Variants in ABCA5 observed in about 807,000 individuals in gnomAD.
The protein encoded by ABCA5 is cholesterol transporter ABCA5.
A neutral mutation model predicts 206.0 loss-of-function variants in ABCA5; 163 were observed. The observed-to-expected ratio is 0.79, with a 90% CI of 0.70 to 0.90. The LOEUF (loss-of-function observed/expected upper bound fraction) is 0.90. Ranked by LOEUF, ABCA5 falls within the 40% of genes least tolerant of loss-of-function variation. The probability of loss-of-function intolerance (pLI) is 0.00; values close to 1 mark genes in which losing one functional copy is unlikely to be tolerated. For missense variants in ABCA5, 1,859 were observed against 1,912.9 expected (o/e 0.97, Z 0.53); for synonymous variants, 609 against 613.8 (o/e 0.99, Z 0.11).
intron 15 of ABCA5, among the ~76,000 whole-genome samples, chr17:69,286,979 C>A (rs2075462436): frequency 6.6e-6 from 1 of 152,150 alleles, no homozygotes; most frequent in Non-Finnish European, 1.5e-5. Context: ...TGGCCCTTGG[C>A]TGTTAGTTGA....
chr17:69,295,863 A>G (rs185253275), intron 10 of ABCA5, among the ~76,000 whole-genome samples: 10 of 152,292 alleles, frequency 6.6e-5, no homozygotes, highest in African/African-American at 2.2e-4. Flanking sequence ...AATTTTCAAT[A>G]TATTTACTGA....
chr17:69,322,627 C>T (rs2075873964), intron 1 of ABCA5, among the ~76,000 whole-genome samples: 1 of 151,908 alleles, frequency 6.6e-6, no homozygotes, highest in Admixed American at 6.6e-5. Context: ...CCTCTCTCTT[C>T]CCCCACCTCC....
intron 22 of ABCA5, 104 bp downstream of exon 22, chr17:69,270,509 C>A: frequency 8.9e-7 from 1 of 1,118,590 alleles, no homozygotes; most frequent in Admixed American, 2.7e-5. Context: ...TAAGAGATCT[C>A]ACAAGATAAA....
chr17:69,253,778 T>A lies in ABCA5; in HGVS notation c.4320+16A>T. 6.2e-7 allele frequency: 1 copy of A among 1,604,278 alleles called. No individual in the cohort carries two copies. Among genetic ancestry groups the A allele is most frequent in the Non-Finnish European group, 8.5e-7 (1 of 1,171,778 alleles). ...CAATAAAAATACAGGCATTATTTGG[T>A]GTTTAATGAAAGTACCTTTCGTTTG... On this transcript the variant is annotated intron_variant, in intron 33 of 38. Coordinates refer to ENST00000392676, the MANE Select transcript of ABCA5 (RefSeq NM_172232.4).
chr17:69,323,067 G>A (rs541149353), intron 1 of ABCA5, among the ~76,000 whole-genome samples: 24 of 152,096 alleles, frequency 1.6e-4, no homozygotes, highest in Non-Finnish European at 2.5e-4. Context: ...TCTACTTGGG[G>A]CTTCTAAACG....
chr17:69,274,013 G>A lies in ABCA5; in HGVS notation c.2710C>T (p.Pro904Ser), dbSNP rs776187255. 1.2e-6 allele frequency: 2 copies of A among 1,610,068 alleles called. No individual in the cohort carries two copies. Among genetic ancestry groups the A allele is most frequent in the East Asian group, 2.2e-5 (1 of 44,722 alleles). The change falls in exon 20 of 39, where the codon CCT (proline) becomes TCT (serine). Residue 904 changes from proline to serine, a missense_variant. Coordinates refer to ENST00000392676, the MANE Select transcript of ABCA5 (RefSeq NM_172232.4). Reference protein sequence around the residue: ...KLVPDLYFLKPGDKPHKYKTS... With the variant: ...KLVPDLYFLKSGDKPHKYKTS... Reference sequence around the variant, plus strand: ...TTGTATTTATGTGGTTTGTCTCCAGGTTTTAGAAAATATAAGTCTGGAACA... The same window carrying A: ...TTGTATTTATGTGGTTTGTCTCCAGATTTTAGAAAATATAAGTCTGGAACA...
At chr17:69,297,752 T>C (rs188749464) in intron 9 of ABCA5, among the ~76,000 whole-genome samples, 1 of 152,326 alleles carries the variant, frequency 6.6e-6, no homozygotes, top group East Asian at 1.9e-4. Context: ...GCTGAATGTG[T>C]TGAAGACTTG....
At chr17:69,261,086 TTA>T (rs1376477959) in intron 26 of ABCA5, 37 bp downstream of exon 26, 1 of 1,467,892 alleles carries the variant, frequency 6.8e-7, no homozygotes. Context: ...CATATTTATT[TTA>T]TGTTTTTTAA....
At chr17:69,304,418 A>G (rs985723850) in intron 7 of ABCA5, 3 of 273,398 alleles carry the variant, frequency 1.1e-5, no homozygotes, top group East Asian at 1.4e-4. Flanking sequence ...TATAAAGACA[A>G]CAGATAGAGG....
In ABCA5 at chr17:69,264,853, C is replaced by A; in HGVS notation, c.3197G>T (p.Trp1066Leu). Residue 1066 changes from tryptophan to leucine, a missense_variant, in exon 24 of 39, where the codon TGG becomes TTG. Trp to Leu is a moderately conservative substitution (Grantham distance 61). Transcript: ENST00000392676. ...GATATCAACAACAGCTTGTCCAATC[C>A]AATATGCAGATGGCAAAAGACCTGA... Reference protein sequence around the residue: ...KLSGLLPSAYWIGQAVVDIPL... With the variant: ...KLSGLLPSAYLIGQAVVDIPL... The A allele has an allele frequency of 1.3e-6, 2 of 1,582,856 alleles. No individual in the cohort carries two copies. Among genetic ancestry groups the A allele is most frequent in the East Asian group, 2.3e-5 (1 of 43,502 alleles).
chr17:69,269,791 T>C (rs1363997824), intron 22 of ABCA5, among the ~76,000 whole-genome samples: 1 of 152,172 alleles, frequency 6.6e-6, no homozygotes, highest in East Asian at 1.9e-4. Flanking sequence ...CAAAGCAGTA[T>C]GCTAAGTACA....
chr17:69,306,652 A>T, intron 6 of ABCA5, 73 bp downstream of exon 6: 1 of 757,842 alleles, frequency 1.3e-6, no homozygotes, highest in Non-Finnish European at 1.8e-6. Context: ...AAATATCAAA[A>T]TTACAATTTT....
chr17:69,303,826 G>A (rs2365044), intron 7 of ABCA5, among the ~76,000 whole-genome samples: 3,267 of 5,288 alleles, frequency 0.62, 1,194 homozygotes, highest in Middle Eastern at 1. Flanking sequence ...ATATATATAT[G>A]TATATATATA....
At chr17:69,299,471 T>TACACACACACACTCACACACACACACAC in intron 9 of ABCA5, among the ~76,000 whole-genome samples, 2 of 142,510 alleles carry the variant, frequency 1.4e-5, no homozygotes, top group African/African-American at 5.2e-5. Flanking sequence ...CACACACACA[T>TACACACACACACTCACACACACACACAC]ACACACACAC....
intron 3 of ABCA5, 67 bp from the exon 4 acceptor site, chr17:69,309,490 T>G: frequency 8.9e-7 from 1 of 1,126,882 alleles, no homozygotes; most frequent in East Asian, 2.8e-5. Context: ...AGATCAAGTT[T>G]ACAATTATTT....
rs922868746 is a variant in ABCA5 at position 69,259,658 on chromosome 17, T to C, written c.3731+48A>G. ...TATGTTATGGTAATGGTTACACAGT[T>C]CTGTAAATATACTAAAAACATTTAA... is the stretch of plus-strand genomic sequence containing the variant. On this transcript the variant is annotated intron_variant, in intron 28 of 38. Transcript: ENST00000392676. The C allele has an allele frequency of 1.1e-5, 14 of 1,280,630 alleles. No individual in the cohort carries two copies. In the African/African-American group the frequency reaches 1.8e-4, roughly 17 times the overall value. The allele number at this position is 1,280,630 out of a possible 1,614,324, so 79.3% of individuals were successfully genotyped here.
chr17:69,285,163 T>C (rs1413713746), intron 17 of ABCA5, among the ~76,000 whole-genome samples: 1 of 152,134 alleles, frequency 6.6e-6, no homozygotes, highest in Non-Finnish European at 1.5e-5. Context: ...AATAAACTAA[T>C]AATTGCAAAA....
In ABCA5 at chr17:69,273,293, T is replaced by C. The variant is rs183529194; in HGVS notation, c.2764+666A>G. Among the ~76,000 whole-genome samples, 295 of 152,142 alleles carry C rather than the reference T, an allele frequency of 1.9e-3. 2 individuals are homozygous for C. The highest frequency in any genetic ancestry group is 6.7e-3 in the African/African-American group (279 of 41,556). Reference sequence around the variant, plus strand: ...CTATGCAGACACATACCTGTATAAATATTATGTACTACAACTCTTTGTAAA... The same window carrying C: ...CTATGCAGACACATACCTGTATAAACATTATGTACTACAACTCTTTGTAAA... On this transcript the variant is annotated intron_variant, in intron 20 of 38. Transcript: ENST00000392676.
chr17:69,309,194 G>C, intron 4 of ABCA5, 68 bp downstream of exon 4: 1 of 1,287,868 alleles, frequency 7.8e-7, no homozygotes, highest in Non-Finnish European at 1.0e-6. Flanking sequence ...ATAAAATTTT[G>C]ACTATGAACT....
Sources: gnomAD v4.1 joint callset for allele counts (sites outside exome capture counted in the v4.1 genomes callset) on GRCh38, gnomAD v4.1.1 for gene constraint, MANE v1.5 for transcripts, NCBI Gene and HGNC (gene_info 2026-07-23, HGNC 2026-07-21) for gene names.